The following NUP210 variants were observed in gnomAD, a reference collection of about 807,000 sequenced individuals.
The protein encoded by NUP210 is nuclear pore membrane glycoprotein 210.
NUP210 carries 151 observed loss-of-function variants against 196.0 expected under a neutral mutation model. The observed-to-expected ratio is 0.77, with a 90% confidence interval of 0.67 to 0.88. NUP210 has a LOEUF of 0.88. NUP210 is among the 40% of genes least tolerant of loss of function. NUP210 has a pLI of 0.00. For missense variants in NUP210, 2,314 were observed against 2,493.7 expected (o/e 0.93, Z 1.53); for synonymous variants, 1,070 against 1,052.7 (o/e 1.02, Z -0.32).
rs71066951 is a variant in NUP210 at position 13,396,760 on chromosome 3, C to CAAAAA, written c.436+592_436+596dup. Reference sequence around the variant, plus strand: ...GAGCAACAAGAGCAAGACTCTGTCTCAAAAAAAAAAAAAAAAAAAAAAGTT... The same window carrying CAAAAA: ...GAGCAACAAGAGCAAGACTCTGTCTCAAAAAAAAAAAAAAAAAAAAAAAAAAAGTT... On this transcript the variant is annotated intron_variant, in intron 3 of 39. Transcript: ENST00000254508. 3.7e-4 allele frequency among the ~76,000 whole-genome samples: 23 copies of CAAAAA among 62,090 alleles called. 1 individual carries two copies. Among genetic ancestry groups the CAAAAA allele is most frequent in the African/African-American group, 1.3e-3 (18 of 13,452 alleles). 40.7% of individuals were successfully genotyped at this position (62,090 alleles called of 152,430 possible).
chr3:13,374,931 G>A (rs545542352), intron 11 of NUP210, among the ~76,000 whole-genome samples: 9 of 152,340 alleles, frequency 5.9e-5, no homozygotes, highest in African/African-American at 2.2e-4. Flanking sequence ...TGTCTAAGGC[G>A]AGTCCTGCTG....
intron 17 of NUP210, 69 bp from the exon 18 acceptor site, chr3:13,353,729 TC>T (rs1371421265): frequency 7.7e-5 from 108 of 1,405,272 alleles, no homozygotes; most frequent in Non-Finnish European, 1.1e-4. Flanking sequence ...AGCCCCTCCC[TC>T]CTTCTGATTT....
chr3:13,380,632 C>A (rs1699069589), intron 6 of NUP210, among the ~76,000 whole-genome samples: 1 of 152,224 alleles, frequency 6.6e-6, no homozygotes, highest in South Asian at 2.1e-4. Flanking sequence ...ACAAGTGGGA[C>A]ATTCTAGCCC....
At chr3:13,344,899 G>A (rs978413378) in intron 20 of NUP210, 57 of 982,670 alleles carry the variant, frequency 5.8e-5, no homozygotes, top group African/African-American at 2.3e-4. Flanking sequence ...CAGGTCCAGC[G>A]TCCTTCCTCA....
At position 13,348,968 on chromosome 3, in the gene NUP210, A is replaced by G. The variant is rs1218772713; in HGVS notation, c.2835+2911T>C. 1.1e-6 allele frequency: 1 copy of G among 913,712 alleles called. No individual in the cohort carries two copies. 56.6% of individuals were successfully genotyped at this position (913,712 alleles called of 1,614,324 possible). A position where few individuals can be genotyped will look rare whatever the true frequency, so the allele number is the denominator to read the frequency against. ...TCTCTATTTTCTCTTGAAAATCAGA[A>G]GCTCTTGCCTCACAGGCCCACACCC... On this transcript the variant is annotated intron_variant, in intron 20 of 39. Transcript: ENST00000254508. This position sits in a 1 kb window ranked among gnomAD's most constrained non-coding sequence, Gnocchi z 4.0.
At chr3:13,351,113 G>A (rs1352911346) in intron 20 of NUP210, among the ~76,000 whole-genome samples, 2 of 152,222 alleles carry the variant, frequency 1.3e-5, no homozygotes, top group Non-Finnish European at 2.9e-5. Context: ...TGGACTGCCA[G>A]CTTACATTAG....
chr3:13,340,390 A>G lies in NUP210; in HGVS notation c.3229-92T>C. 2 of 1,133,508 alleles carry G rather than the reference A, an allele frequency of 1.8e-6. No homozygotes were observed. Among genetic ancestry groups the G allele is most frequent in the Non-Finnish European group, 2.6e-6 (2 of 759,962 alleles). 70.2% of individuals were successfully genotyped at this position (1,133,508 alleles called of 1,614,324 possible). ...ACACTACATGTTTCATGAGAGGAAA[A>G]CCTGGGACATGGACATCACTTCTCT... On this transcript the variant is annotated intron_variant, in intron 23 of 39. Transcript: ENST00000254508. The surrounding 1 kb of genome is among the most constrained non-coding windows in gnomAD (Gnocchi z 4.0).
At chr3:13,318,491 T>C (rs1329959674) in intron 39 of NUP210, among the ~76,000 whole-genome samples, 1 of 152,116 alleles carries the variant, frequency 6.6e-6, no homozygotes, top group Non-Finnish European at 1.5e-5. Context: ...GGACTCTTTG[T>C]GTAGGGGAGA....
Position 13,360,362 on chromosome 3 carries a change from C to T in NUP210, c.2062G>A (p.Asp688Asn), listed in dbSNP as rs1027842211. 1.7e-5 allele frequency: 27 copies of T among 1,614,044 alleles called. No homozygotes were observed. Among genetic ancestry groups the T allele is most frequent in the African/African-American group, 2.7e-5 (2 of 74,920 alleles). ...GCAAAGAGAGCCAGGCCGATGCTGT[C>T]AGTGTCCTCAGCGGTGACGTTCTGG... ...FFQNVTAEDT[D>N]SIGLALFAPH... is the part of the protein sequence containing the mutation. Residue 688 changes from aspartate to asparagine, a missense_variant, in exon 15 of 40, where the codon GAC (aspartate) becomes AAC (asparagine). Physicochemically the swap from Asp to Asn is conservative, Grantham distance 23 (BLOSUM62 1). Coordinates refer to ENST00000254508, the MANE Select transcript of NUP210 (RefSeq NM_024923.4).
chr3:13,408,108 G>C (rs1007402520), intron 1 of NUP210, among the ~76,000 whole-genome samples: 3 of 152,174 alleles, frequency 2.0e-5, no homozygotes, highest in African/African-American at 7.2e-5. Context: ...TGTGGGTGGT[G>C]AATGTTCATC....
chr3:13,354,251 C>T (rs1467067576), intron 16 of NUP210, 144 bp from the exon 17 acceptor site: 3 of 695,566 alleles, frequency 4.3e-6, no homozygotes, highest in African/African-American at 1.8e-5. Context: ...GAAAGCAATC[C>T]TCACTATTGC....
intron 31 of NUP210, 42 bp downstream of exon 31, chr3:13,328,729 G>C (rs1696876526): frequency 1.3e-6 from 2 of 1,579,476 alleles, no homozygotes; most frequent in Non-Finnish European, 8.7e-7. Context: ...CCAGGTACCA[G>C]ACAGGACTTC....
rs765010718 is a variant in NUP210 at position 13,319,076 on chromosome 3, G to C, written c.5559C>G (p.Pro1853=). The C allele has an allele frequency of 6.2e-7, 1 of 1,601,924 alleles. No homozygotes were observed. The highest frequency in any genetic ancestry group is 1.7e-5 in the Admixed American group (1 of 57,184). ...LTPRASPGHS[P]HYFAASSPTS... Reference sequence around the variant, plus strand: ...GCCTGCAGGGGGGCTACTCACAGTGGGGGCTGTGTCCAGGGCTGGCTCGAG... The same window carrying C: ...GCCTGCAGGGGGGCTACTCACAGTGCGGGCTGTGTCCAGGGCTGGCTCGAG... The change falls in exon 39 of 40, where the codon CCC becomes CCG. Residue 1853 remains proline, a synonymous_variant. Transcript: ENST00000254508.
intron 6 of NUP210, among the ~76,000 whole-genome samples, chr3:13,382,874 G>T (rs1397777206): frequency 1.3e-5 from 2 of 152,146 alleles, no homozygotes; most frequent in African/African-American, 2.4e-5. Flanking sequence ...GCTGAGCATG[G>T]CAACTCATGC....
intron 20 of NUP210, chr3:13,345,299 T>A: frequency 1.1e-6 from 1 of 892,784 alleles, no homozygotes; most frequent in Non-Finnish European, 1.3e-6. Context: ...ACCACTTCAA[T>A]GTGCAAATGA....
rs1697991417 is a variant in NUP210 at position 13,351,992 on chromosome 3, A to G, written c.2734-12T>C. On this transcript the variant is annotated splice_polypyrimidine_tract_variant and intron_variant, in intron 19 of 39. Coordinates refer to ENST00000254508, the MANE Select transcript of NUP210 (RefSeq NM_024923.4). ...ATGCGGAGCTCTGCCTGCAGGAGGC[A>G]GATGCAGGGAGGGTTGGGCCGCATG... 6.2e-7 allele frequency: 1 copy of G among 1,608,074 alleles called. No individual in the cohort carries two copies. Among genetic ancestry groups the G allele is most frequent in the Non-Finnish European group, 8.5e-7 (1 of 1,175,154 alleles).
At chr3:13,393,577 C>T (rs1699558943) in intron 3 of NUP210, among the ~76,000 whole-genome samples, 1 of 152,214 alleles carries the variant, frequency 6.6e-6, no homozygotes, top group Non-Finnish European at 1.5e-5. Flanking sequence ...CAGCTGCTGG[C>T]CACTGGCTTT....
At chr3:13,410,335 T>C (rs1301627011) in intron 1 of NUP210, among the ~76,000 whole-genome samples, 2 of 151,860 alleles carry the variant, frequency 1.3e-5, no homozygotes, top group African/African-American at 4.8e-5. Flanking sequence ...TGTAGCACCA[T>C]ACCCAGCTAA....
At chr3:13,338,182 C>G (rs1697307259) in intron 25 of NUP210, among the ~76,000 whole-genome samples, 1 of 152,194 alleles carries the variant, frequency 6.6e-6, no homozygotes, top group Non-Finnish European at 1.5e-5. Context: ...TCCAGCTGTT[C>G]CAGGTCAGCA....
Sources: allele counts gnomAD v4.1 joint callset (sites outside exome capture counted in the v4.1 genomes callset), GRCh38; gene constraint gnomAD v4.1.1; non-coding constraint Gnocchi (gnomAD v3.1); transcripts MANE v1.5; gene names NCBI Gene and HGNC (gene_info 2026-07-23, HGNC 2026-07-21).